SEMA3E: variants seen among roughly 807,000 people sequenced by gnomAD.
The protein encoded by SEMA3E is semaphorin-3E.
Under a neutral mutation model 93.6 loss-of-function variants are expected in SEMA3E, and 49 were observed. That is an observed-to-expected ratio of 0.52 (90% CI 0.42 to 0.66). The LOEUF (loss-of-function observed/expected upper bound fraction) is 0.66. Among genes scored for constraint, SEMA3E ranks in the 30% least tolerant of loss-of-function variants. The probability of loss-of-function intolerance (pLI) is 0.00; values close to 1 mark genes in which losing one functional copy is unlikely to be tolerated. For missense variants in SEMA3E, 906 were observed against 964.8 expected (o/e 0.94, Z 0.81); for synonymous variants, 363 against 330.7 (o/e 1.10, Z -1.06).
At position 83,407,232 on chromosome 7, in the gene SEMA3E, T is replaced by C. The variant is rs764562335; in HGVS notation, c.678A>G (p.Lys226=). 1 of 1,612,888 alleles carries C rather than the reference T, an allele frequency of 6.2e-7. No individual in the cohort carries two copies. Among genetic ancestry groups the C allele is most frequent in the South Asian group, 1.1e-5 (1 of 91,078 alleles). ...CAGGAATCATGTATGAACCTACAAA[T>C]TTTGGTTCTATAGGAGCAAAAAATA... The part of the protein sequence containing the change: ...HDDERLLKEP[K]FVGSYMIPDN... Residue 226 remains lysine, a synonymous_variant, in exon 7 of 17, where the codon AAA becomes AAG. Transcript: ENST00000643230.
At chr7:83,412,868 C>A (rs1268833295) in intron 5 of SEMA3E, among the ~76,000 whole-genome samples, 1 of 151,050 alleles carries the variant, frequency 6.6e-6, no homozygotes. Context: ...ACGTGGATAA[C>A]AAATTTGAAT....
intron 16 of SEMA3E, chr7:83,371,423 T>A (rs1440466849): frequency 1.3e-5 from 2 of 152,196 alleles, no homozygotes; most frequent in Non-Finnish European, 2.9e-5. Context: ...GTGTCTCATC[T>A]TACAACCATA....
intron 1 of SEMA3E, among the ~76,000 whole-genome samples, chr7:83,535,843 A>G (rs554244399): frequency 1.3e-5 from 2 of 152,264 alleles, no homozygotes; most frequent in African/African-American, 4.8e-5. Context: ...TTCAAACCTA[A>G]ATTATTATTA....
intron 3 of SEMA3E, 104 bp from the exon 4 acceptor site, chr7:83,466,705 A>G (rs926045484): frequency 7.0e-6 from 10 of 1,436,586 alleles, no homozygotes; most frequent in Non-Finnish European, 9.6e-6. Context: ...GTTTTACCGT[A>G]AATCTCTGTT....
intron 1 of SEMA3E, among the ~76,000 whole-genome samples, chr7:83,548,195 G>A (rs1172769721): frequency 1.3e-5 from 2 of 152,020 alleles, no homozygotes; most frequent in African/African-American, 4.8e-5. Flanking sequence ...GAGAAACAGA[G>A]AACTGAGATG....
chr7:83,580,748 T>C (rs1349480171), intron 1 of SEMA3E, among the ~76,000 whole-genome samples: 1 of 152,018 alleles, frequency 6.6e-6, no homozygotes, highest in African/African-American at 2.4e-5. Context: ...TCAATTTATA[T>C]AACCCTCTCC....
intron 1 of SEMA3E, among the ~76,000 whole-genome samples, chr7:83,554,846 G>A (rs185629253): frequency 0.02 from 3,072 of 152,030 alleles, 101 homozygotes; most frequent in African/African-American, 0.071. Flanking sequence ...GCGTGGTGGC[G>A]GGCGCCTGTA....
rs115993870 is a variant in SEMA3E at position 83,465,087 on chromosome 7, G to A, written c.456+1395C>T. Among the ~76,000 whole-genome samples, 907 of 151,952 alleles carry A rather than the reference G, an allele frequency of 6.0e-3. 7 individuals carry two copies. The highest frequency in any genetic ancestry group is 0.021 in the African/African-American group (854 of 41,418). ...ATTCCGCCACAAAAGAAGTGTAAAT[G>A]GCTGGTCTTTGCCTTAAGTGATGAC... On this transcript the variant is annotated intron_variant, in intron 4 of 16. Coordinates refer to ENST00000643230, the MANE Select transcript of SEMA3E (RefSeq NM_012431.3).
At chr7:83,439,063 C>A (rs1320009021) in intron 4 of SEMA3E, among the ~76,000 whole-genome samples, 1 of 152,162 alleles carries the variant, frequency 6.6e-6, no homozygotes, top group African/African-American at 2.4e-5. Context: ...CCATGAATAT[C>A]TACTTTTCAT....
At chr7:83,518,119 G>T (rs1185308042) in intron 1 of SEMA3E, among the ~76,000 whole-genome samples, 3 of 130,930 alleles carry the variant, frequency 2.3e-5, no homozygotes, top group Non-Finnish European at 5.0e-5. Flanking sequence ...TGAAAGAAAA[G>T]TATGGCAGCT....
At chr7:83,484,631 A>T (rs1790216750) in intron 2 of SEMA3E, among the ~76,000 whole-genome samples, 2 of 151,994 alleles carry the variant, frequency 1.3e-5, no homozygotes, top group Non-Finnish European at 2.9e-5. Flanking sequence ...TCCCTAGAAA[A>T]TATTTTCTTG....
At chr7:83,569,142 CAAA>C (rs200678421) in intron 1 of SEMA3E, among the ~76,000 whole-genome samples, 66,771 of 142,372 alleles carry the variant, frequency 0.47, 16,312 homozygotes, top group African/African-American at 0.68. Flanking sequence ...GCAATAGCTA[CAAA>C]AAAAAAAAAA....
intron 5 of SEMA3E, among the ~76,000 whole-genome samples, chr7:83,409,270 C>T (rs1788389806): frequency 6.6e-6 from 1 of 152,028 alleles, no homozygotes; most frequent in South Asian, 2.1e-4. Context: ...ACTTGAACTC[C>T]AGGAAGATCA....
chr7:83,525,045 A>G (rs1307965470), intron 1 of SEMA3E, among the ~76,000 whole-genome samples: 1 of 152,062 alleles, frequency 6.6e-6, no homozygotes, highest in Non-Finnish European at 1.5e-5. Context: ...GAGTTTTCTA[A>G]GAAACGGTGC....
intron 1 of SEMA3E, among the ~76,000 whole-genome samples, chr7:83,613,934 A>C (rs1001490239): frequency 3.3e-5 from 5 of 152,130 alleles, no homozygotes; most frequent in Admixed American, 6.6e-5. Flanking sequence ...CTTAAAACAC[A>C]AAACAATATT....
chr7:83,455,795 C>T (rs1419227011), intron 4 of SEMA3E, among the ~76,000 whole-genome samples: 1 of 152,232 alleles, frequency 6.6e-6, no homozygotes, highest in Non-Finnish European at 1.5e-5. Flanking sequence ...CTGCATGTGA[C>T]CCCTAGGAGT....
intron 2 of SEMA3E, among the ~76,000 whole-genome samples, chr7:83,486,803 G>C (rs1265026704): frequency 6.6e-6 from 1 of 152,046 alleles, no homozygotes; most frequent in Non-Finnish European, 1.5e-5. Context: ...CCTGAGAGGA[G>C]TCTTTGCAAT....
intron 1 of SEMA3E, chr7:83,612,469 A>G (rs552915480): frequency 2.0e-5 from 3 of 152,286 alleles, no homozygotes; most frequent in South Asian, 4.1e-4. Context: ...AAAAATAGGT[A>G]TATCTTACAA....
chr7:83,591,292 A>T (rs1388870883), intron 1 of SEMA3E, among the ~76,000 whole-genome samples: 3 of 151,890 alleles, frequency 2.0e-5, no homozygotes, highest in Non-Finnish European at 2.9e-5. Context: ...ATATCATGGG[A>T]CCTGCTGCCA....
Sources: gnomAD v4.1 joint callset for allele counts (sites outside exome capture counted in the v4.1 genomes callset) on GRCh38, gnomAD v4.1.1 for gene constraint, MANE v1.5 for transcripts, NCBI Gene and HGNC (gene_info 2026-07-23, HGNC 2026-07-21) for gene names.